DPP9: variants seen among roughly 807,000 people sequenced by gnomAD.
The protein encoded by DPP9 is dipeptidyl peptidase 9.
In DPP9, 50 loss-of-function variants were observed where a neutral mutation model predicts 110.7. The observed-to-expected ratio is 0.45, with a 90% CI of 0.36 to 0.57. The LOEUF (loss-of-function observed/expected upper bound fraction) is 0.57. Ranked by LOEUF, DPP9 falls within the 20% of genes least tolerant of loss-of-function variation. The pLI is 0.00. For missense variants in DPP9, 1,022 were observed against 1,217.9 expected (o/e 0.84, Z 2.39); for synonymous variants, 561 against 514.4 (o/e 1.09, Z -1.23).
intron 13 of DPP9, among the ~76,000 whole-genome samples, chr19:4,692,863 GT>G (rs1168992372): frequency 6.6e-6 from 1 of 152,130 alleles, no homozygotes; most frequent in Non-Finnish European, 1.5e-5. Context: ...TAGCCAGTAA[GT>G]CTGCACTGGC....
At position 4,710,574 on chromosome 19, in the gene DPP9, G is replaced by A. The variant is rs908652045; in HGVS notation, c.313+3507C>T. Among the ~76,000 whole-genome samples, 4 of 152,198 alleles carry A rather than the reference G, an allele frequency of 2.6e-5. No individual in the cohort carries two copies. The highest frequency in any genetic ancestry group is 1.5e-5 in the Non-Finnish European group (1 of 68,026). On this transcript the variant is annotated intron_variant, in intron 4 of 21. Transcript: ENST00000262960. The surrounding 1 kb of genome is among the most constrained non-coding windows in gnomAD (Gnocchi z 5.6). ...GTGGATCTGAAAGAGCCTTTCCGGAGGGGCCCAGTGATTAGCTCCACATGC... is the reference window on the plus strand; with the variant it reads ...GTGGATCTGAAAGAGCCTTTCCGGAAGGGCCCAGTGATTAGCTCCACATGC...
chr19:4,718,596 C>T lies in DPP9; in HGVS notation c.56+1255G>A, dbSNP rs1243693083. 2.0e-5 allele frequency among the ~76,000 whole-genome samples: 3 copies of T among 152,214 alleles called. No homozygotes were observed. Among genetic ancestry groups the T allele is most frequent in the Non-Finnish European group, 4.4e-5 (3 of 68,026 alleles). Reference sequence around the variant, plus strand: ...AAACTGCCCCCAGCACTGCCTGGGCCTTTAGCTTTGATGAGCAACCTTTAC... The same window carrying T: ...AAACTGCCCCCAGCACTGCCTGGGCTTTTAGCTTTGATGAGCAACCTTTAC... On this transcript the variant is annotated intron_variant, in intron 3 of 21. Coordinates refer to ENST00000262960, the MANE Select transcript of DPP9 (RefSeq NM_139159.5). The surrounding 1 kb of genome is among the most constrained non-coding windows in gnomAD (Gnocchi z 4.3).
intron 8 of DPP9, among the ~76,000 whole-genome samples, 184 bp downstream of exon 8, chr19:4,702,419 G>A (rs1008960563): frequency 1.3e-5 from 2 of 152,170 alleles, no homozygotes; most frequent in Admixed American, 1.3e-4. Flanking sequence ...GTAACGGGCT[G>A]AACTGTGTCC....
In DPP9 at chr19:4,685,831, T is replaced by C. The variant is rs557190865; in HGVS notation, c.1886-60A>G. Reference sequence around the variant, plus strand: ...GGAAGCCACATCCAGCTGACACCCTTGTTCTCCTGCCCACCCCAAGCCTTG... The same window carrying C: ...GGAAGCCACATCCAGCTGACACCCTCGTTCTCCTGCCCACCCCAAGCCTTG... On this transcript the variant is annotated intron_variant, in intron 16 of 21. Coordinates refer to ENST00000262960, the MANE Select transcript of DPP9 (RefSeq NM_139159.5). This position sits in a 1 kb window ranked among gnomAD's most constrained non-coding sequence, Gnocchi z 5.8. 1.5e-5 allele frequency: 24 copies of C among 1,582,916 alleles called. No individual in the cohort carries two copies. In the African/African-American group the frequency reaches 2.9e-4, roughly 19 times the overall value.
At position 4,694,641 on chromosome 19, in the gene DPP9, A is replaced by G; in HGVS notation, c.1516+20T>C. ...GTGACTAACGCGATGAGTCGACAGC[A>G]TTCGTCAGGCTCTGCTCACCTTCCC... On this transcript the variant is annotated intron_variant, in intron 13 of 21. Coordinates refer to ENST00000262960, the MANE Select transcript of DPP9 (RefSeq NM_139159.5). This position sits in a 1 kb window ranked among gnomAD's most constrained non-coding sequence, Gnocchi z 4.0. The G allele has an allele frequency of 6.2e-7, 1 of 1,605,956 alleles. No individual in the cohort carries two copies. Among genetic ancestry groups the G allele is most frequent in the Non-Finnish European group, 8.5e-7 (1 of 1,176,020 alleles).
rs796569962 is a variant in DPP9 at position 4,713,904 on chromosome 19, G to A, written c.313+177C>T. On this transcript the variant is annotated intron_variant, in intron 4 of 21. Transcript: ENST00000262960. The stretch of plus-strand genomic sequence containing the variant: ...CGGGGGCCGCCCCACCCACCCCGCG[G>A]CAGCCCTTCCCTGTAGTCAGAGCTG... 3.3e-5 allele frequency among the ~76,000 whole-genome samples: 5 copies of A among 152,228 alleles called. No homozygotes were observed. The East Asian group carries it at 5.8e-4, about 18-fold the overall frequency.
rs569757243 is a variant in DPP9 at position 4,684,180 on chromosome 19, C to G, written c.2178+483G>C. The stretch of plus-strand genomic sequence containing the variant: ...AAAAGGGCCTGATGGAGGGAGGCCA[C>G]GGCTTTTCCGCTCCTTGCAACCCCT... On this transcript the variant is annotated intron_variant, in intron 18 of 21. Coordinates refer to ENST00000262960, the MANE Select transcript of DPP9 (RefSeq NM_139159.5). The surrounding 1 kb of genome is among the most constrained non-coding windows in gnomAD (Gnocchi z 4.8). 3.7e-6 allele frequency: 1 copy of G among 269,890 alleles called. No homozygotes were observed. Among genetic ancestry groups the G allele is most frequent in the East Asian group, 9.4e-5 (1 of 10,690 alleles). 16.7% of individuals were successfully genotyped at this position (269,890 alleles called of 1,614,324 possible). A position where few individuals can be genotyped will look rare whatever the true frequency, so the allele number is the denominator to read the frequency against.
At chr19:4,691,670 CTTTTTTTTTTTT>C (rs1006998596) in intron 13 of DPP9, among the ~76,000 whole-genome samples, 1 of 95,090 alleles carries the variant, frequency 1.1e-5, no homozygotes, top group Non-Finnish European at 2.1e-5. Flanking sequence ...TAAAACCAGA[CTTTTTTTTTTTT>C]TTTTTTTTTT....
Position 4,702,632 on chromosome 19 carries a change from T to C in DPP9, c.854A>G (p.Tyr285Cys), listed in dbSNP as rs1180147874. Residue 285 changes from tyrosine (Y) to cysteine (C), a missense_variant, in exon 8 of 22, where the codon TAC (tyrosine) becomes TGC (cysteine). Physicochemically the swap from Tyr to Cys is radical, Grantham distance 194 (BLOSUM62 -2). Around this residue, in one of 3 missense-constraint regions of DPP9, gnomAD observed 810 missense variants for 920.6 expected, o/e 0.88. Transcript: ENST00000262960. ...IQEEFDRFTG[Y>C]WWCPTASWEG... is the part of the protein sequence containing the mutation. ...CCAGGAGGCTGTGGGGCACCACCAG[T>C]ACCCAGTGAAGCGGTCGAACTCTTC... The C allele has an allele frequency of 6.2e-7, 1 of 1,603,438 alleles. No individual in the cohort carries two copies. Among genetic ancestry groups the C allele is most frequent in the Admixed American group, 1.7e-5 (1 of 58,694 alleles).
chr19:4,678,892 C>T lies in DPP9; in HGVS notation c.2586+943G>A, dbSNP rs1213639230. On this transcript the variant is annotated intron_variant, in intron 21 of 21. Transcript: ENST00000262960. ...ATGGACCACGTCCCACTGTCCCCCA[C>T]AGGCCATCCACAAAGCAGCCAGAGA... is the stretch of plus-strand genomic sequence containing the variant. Among the ~76,000 whole-genome samples the T allele has an allele frequency of 3.3e-5, 5 of 152,266 alleles. No individual in the cohort carries two copies. The East Asian group carries it at 9.7e-4, about 29-fold the overall frequency.
chr19:4,689,831 T>C lies in DPP9; in HGVS notation c.1597-109A>G. 8.2e-7 allele frequency: 1 copy of C among 1,218,612 alleles called. No homozygotes were observed. Among genetic ancestry groups the C allele is most frequent in the African/African-American group, 1.5e-5 (1 of 64,862 alleles). The allele number at this position is 1,218,612 out of a possible 1,614,324, so 75.5% of individuals were successfully genotyped here. A position where few individuals can be genotyped will look rare whatever the true frequency, so the allele number is the denominator to read the frequency against. ...CCATGTTCCTCGGACTGGGGACGCA[T>C]GCTGTCCTCGCCCAAGTCTGGCTTT... On this transcript the variant is annotated intron_variant, in intron 14 of 21. Coordinates refer to ENST00000262960, the MANE Select transcript of DPP9 (RefSeq NM_139159.5). This position sits in a 1 kb window ranked among gnomAD's most constrained non-coding sequence, Gnocchi z 7.0.
rs1041257089 is a variant in DPP9 at position 4,722,525 on chromosome 19, T to C, written c.-62A>G. The C allele has an allele frequency of 1.4e-6, 1 of 703,110 alleles. No individual in the cohort carries two copies. Among genetic ancestry groups the C allele is most frequent in the Non-Finnish European group, 2.6e-6 (1 of 384,998 alleles). 43.6% of individuals were successfully genotyped at this position (703,110 alleles called of 1,614,324 possible). A position where few individuals can be genotyped will look rare whatever the true frequency, so the allele number is the denominator to read the frequency against. On this transcript the variant is annotated 5_prime_UTR_variant, in exon 2 of 22. An upstream start codon of the reference 5' UTR is lost. Transcript: ENST00000262960. ...TTCTAAAGGGTCCAGAGAGCCTCCA[T>C]TCCAGCTGCAGGCGTGGGACACAGA...
At chr19:4,713,971 C>G (rs1356125406) in intron 4 of DPP9, 110 bp downstream of exon 4, 3 of 1,420,996 alleles carry the variant, frequency 2.1e-6, no homozygotes, top group Non-Finnish European at 2.8e-6. Flanking sequence ...CAGGGCCCAG[C>G]CATCCGAGCA....
rs1421490497 is a variant in DPP9 at position 4,693,988 on chromosome 19, A to T, written c.1516+673T>A. Among the ~76,000 whole-genome samples, 1 of 151,862 alleles carries T rather than the reference A, an allele frequency of 6.6e-6. No homozygotes were observed. The highest frequency in any genetic ancestry group is 1.9e-4 in the East Asian group (1 of 5,178). ...CACCTCCACAGCATGCTCTCCAGAG[A>T]CGTCCTCATGCCCTCCCGTTGTAGA... On this transcript the variant is annotated intron_variant, in intron 13 of 21. Transcript: ENST00000262960. The surrounding 1 kb of genome is among the most constrained non-coding windows in gnomAD (Gnocchi z 5.0).
Position 4,688,605 on chromosome 19 carries a change from C to T in DPP9, c.1885+152G>A, listed in dbSNP as rs961946593. The T allele has an allele frequency of 4.4e-5, 45 of 1,019,526 alleles. No individual in the cohort carries two copies. In the Admixed American group the frequency reaches 6.8e-4, roughly 15 times the overall value. The allele number at this position is 1,019,526 out of a possible 1,614,324, so 63.2% of individuals were successfully genotyped here. On this transcript the variant is annotated intron_variant, in intron 16 of 21. Transcript: ENST00000262960. ...AGGGGCTGTGGCTTATGTCCTATGACGAGTTCCCAGATGCTTGGAGGGGCC... is the reference window on the plus strand; with the variant it reads ...AGGGGCTGTGGCTTATGTCCTATGATGAGTTCCCAGATGCTTGGAGGGGCC...
intron 3 of DPP9, among the ~76,000 whole-genome samples, chr19:4,716,704 T>C (rs16992518): frequency 0.013 from 1,924 of 151,984 alleles, 38 homozygotes; most frequent in African/African-American, 0.044. Flanking sequence ...TGGGCCTTAC[T>C]TGGGCTTGTG....
In DPP9 at chr19:4,687,922, C is replaced by G. The variant is rs376093106; in HGVS notation, c.1885+835G>C. Among the ~76,000 whole-genome samples the G allele has an allele frequency of 6.6e-6, 1 of 152,144 alleles. No homozygotes were observed. The highest frequency in any genetic ancestry group is 1.5e-5 in the Non-Finnish European group (1 of 68,012). On this transcript the variant is annotated intron_variant, in intron 16 of 21. Transcript: ENST00000262960. The surrounding 1 kb of genome is among the most constrained non-coding windows in gnomAD (Gnocchi z 4.7). The stretch of plus-strand genomic sequence containing the variant: ...AGGCCATTCTCTTGCCTCAGCCTCC[C>G]GAGTAGTGGGACTACAGGCGCCCGC...
chr19:4,720,038 C>T (rs1325487988), intron 2 of DPP9, 97 bp from the exon 3 acceptor site: 3 of 1,035,266 alleles, frequency 2.9e-6, no homozygotes, highest in African/African-American at 4.2e-5. Flanking sequence ...TTGCTCCAGG[C>T]AGCCCCCCAA....
chr19:4,705,434 C>A (rs1317479709), intron 5 of DPP9, among the ~76,000 whole-genome samples: 1 of 152,186 alleles, frequency 6.6e-6, no homozygotes, highest in African/African-American at 2.4e-5. Context: ...GTTCCCCAGT[C>A]TGGTCTCAAA....
Sources: gnomAD v4.1 joint callset for allele counts (sites outside exome capture counted in the v4.1 genomes callset) on GRCh38, gnomAD v4.1.1 for gene constraint, gnomAD v4.1.1 regional missense constraint, Gnocchi (gnomAD v3.1) non-coding constraint, MANE v1.5 for transcripts, NCBI Gene and HGNC (gene_info 2026-07-23, HGNC 2026-07-21) for gene names.